Variants in SLC30A10 observed in about 807,000 individuals in gnomAD.
SLC30A10 encodes calcium/manganese antiporter SLC30A10.
Under a neutral mutation model 21.7 loss-of-function variants are expected in SLC30A10, and 8 were observed. That is an observed-to-expected ratio of 0.37 (90% CI 0.22 to 0.67). SLC30A10 has a LOEUF of 0.67. Ranked by LOEUF, SLC30A10 falls within the 30% of genes least tolerant of loss-of-function variation. The pLI, the probability that SLC30A10 is intolerant of heterozygous loss-of-function variation, is 0.58. For missense variants in SLC30A10, 521 were observed against 642.5 expected, an observed-to-expected ratio of 0.81 and a Z score of 2.04; for synonymous variants, 272 against 279.4, an observed-to-expected ratio of 0.97 and a Z score of 0.26.
rs1304329830 is a variant in SLC30A10 at position 219,913,693 on chromosome 1, C to A, written c.*1756G>T. ...CTTATAAAGGGCATATAACCTAGCC[C>A]AATAAGCTCCTAGAAATAAAAACAT... is the stretch of plus-strand genomic sequence containing the variant. On this transcript the variant is annotated 3_prime_UTR_variant, in exon 4 of 4. Transcript: ENST00000366926. 1 of 152,158 alleles carries A rather than the reference C, an allele frequency of 6.6e-6. No individual in the cohort carries two copies. Among genetic ancestry groups the A allele is most frequent in the Non-Finnish European group, 1.5e-5 (1 of 68,026 alleles). The allele number at this position is 152,158 out of a possible 1,614,324, so 9.4% of individuals were successfully genotyped here. A position where few individuals can be genotyped will look rare whatever the true frequency, so the allele number is the denominator to read the frequency against.
At chr1:219,925,430 A>G (rs1659791009) in intron 2 of SLC30A10, among the ~76,000 whole-genome samples, 1 of 151,140 alleles carries the variant, frequency 6.6e-6, no homozygotes, top group South Asian at 2.1e-4. Context: ...GCTACTTGGG[A>G]GGCTGAGGCA....
At position 219,912,170 on chromosome 1, in the gene SLC30A10, C is replaced by CAAAAAAAAA. The variant is rs59792236; in HGVS notation, c.*3270_*3278dup. On this transcript the variant is annotated 3_prime_UTR_variant, in exon 4 of 4. Transcript: ENST00000366926. ...CCACTGGAATTTGCTCTACCAATGG[C>CAAAAAAAAA]AAAAAAAAAAAAAAAAAAAAAAAAA... is the stretch of plus-strand genomic sequence containing the variant. Among the ~76,000 whole-genome samples, 9 of 74,720 alleles carry CAAAAAAAAA rather than the reference C, an allele frequency of 1.2e-4. No homozygotes were observed. Among genetic ancestry groups the CAAAAAAAAA allele is most frequent in the African/African-American group, 2.2e-4 (4 of 18,306 alleles). 49.0% of individuals were successfully genotyped at this position (74,720 alleles called of 152,430 possible). A position where few individuals can be genotyped will look rare whatever the true frequency, so the allele number is the denominator to read the frequency against.
In SLC30A10 at chr1:219,910,976, G is replaced by A. The variant is rs1302511675; in HGVS notation, c.*4473C>T. On this transcript the variant is annotated 3_prime_UTR_variant, in exon 4 of 4. Coordinates refer to ENST00000366926, the MANE Select transcript of SLC30A10 (RefSeq NM_018713.3). ...TTCCACTTGAGAAACTAAATTCCTG[G>A]TTTGACAACCTCATTTCTACCTGTG... 6.6e-6 allele frequency among the ~76,000 whole-genome samples: 1 copy of A among 151,950 alleles called. No individual in the cohort carries two copies. Among genetic ancestry groups the A allele is most frequent in the Admixed American group, 6.6e-5 (1 of 15,246 alleles).
chr1:219,935,275 A>G (rs1287271979), intron 1 of SLC30A10, among the ~76,000 whole-genome samples: 1 of 152,210 alleles, frequency 6.6e-6, no homozygotes, highest in Non-Finnish European at 1.5e-5. Flanking sequence ...CTTTGGTGCC[A>G]TCAGAAACAA....
intron 1 of SLC30A10, among the ~76,000 whole-genome samples, chr1:219,947,149 T>C (rs573941985): frequency 6.6e-6 from 1 of 152,180 alleles, no homozygotes; most frequent in Non-Finnish European, 1.5e-5. Flanking sequence ...GATGTAAGGA[T>C]CATCTTTATT....
chr1:219,938,129 A>T (rs561935737), intron 1 of SLC30A10, among the ~76,000 whole-genome samples: 1 of 152,228 alleles, frequency 6.6e-6, no homozygotes, highest in South Asian at 2.1e-4. Flanking sequence ...GCTGATTATC[A>T]TGCATCTTTG....
In SLC30A10 at chr1:219,928,393, C is replaced by T. The variant is rs1659901233; in HGVS notation, c.48G>A (p.Val16=). The part of the protein sequence containing the change: ...GKTCRLLFML[V]LTVAFFVAEL... ...CCGCCACGAAGAAGGCGACGGTGAG[C>T]ACCAGCATGAAGAGCAGCCGGCACG... The change falls in exon 1 of 4, where the codon GTG becomes GTA. Residue 16 remains valine (V), a synonymous_variant. Transcript: ENST00000366926. This position sits in a 1 kb window ranked among gnomAD's most constrained non-coding sequence, Gnocchi z 6.3. 6.2e-7 allele frequency: 1 copy of T among 1,613,298 alleles called. No individual in the cohort carries two copies. The highest frequency in any genetic ancestry group is 1.1e-5 in the South Asian group (1 of 91,056).
chr1:219,926,882 CGAAA>C, intron 2 of SLC30A10, 142 bp downstream of exon 2: 1 of 626,908 alleles, frequency 1.6e-6, no homozygotes, highest in African/African-American at 1.8e-5. Context: ...GCAGTGATTA[CGAAA>C]GAGAGTTGGG....
In SLC30A10 at chr1:219,912,433, G is replaced by C. The variant is rs1659435091; in HGVS notation, c.*3016C>G. ...ATGCTAAAATAATGTGGAAAGGACT[G>C]TTTCTGTAGAAACAGAAGTGCAGTA... On this transcript the variant is annotated 3_prime_UTR_variant, in exon 4 of 4. Coordinates refer to ENST00000366926, the MANE Select transcript of SLC30A10 (RefSeq NM_018713.3). Among the ~76,000 whole-genome samples, 1 of 152,174 alleles carries C rather than the reference G, an allele frequency of 6.6e-6. No homozygotes were observed. The highest frequency in any genetic ancestry group is 1.5e-5 in the Non-Finnish European group (1 of 68,028).
Position 219,949,982 on chromosome 1 carries a change from A to C in SLC30A10, n.80+8586T>G, listed in dbSNP as rs9970607. 7.5e-3 allele frequency among the ~76,000 whole-genome samples: 1,148 copies of C among 152,298 alleles called. 10 individuals carry two copies. Among genetic ancestry groups the C allele is most frequent in the African/African-American group, 0.027 (1,120 of 41,572 alleles). ...GCTTACTTTCACCCTACCTTCCTGA[A>C]AAATCAAGCTTCTCAGCAAAGAAAA... On this transcript the variant is annotated intron_variant and non_coding_transcript_variant, in intron 1 of 8. Transcript: ENST00000484239.
rs900319479 is a variant in SLC30A10 at position 219,911,683 on chromosome 1, G to C, written c.*3766C>G. Reference sequence around the variant, plus strand: ...AACTGCAATTTTTATGAATAGGCTGGTCTTGCCTTTAAAAATATGTTTTTA... The same window carrying C: ...AACTGCAATTTTTATGAATAGGCTGCTCTTGCCTTTAAAAATATGTTTTTA... On this transcript the variant is annotated 3_prime_UTR_variant, in exon 4 of 4. Coordinates refer to ENST00000366926, the MANE Select transcript of SLC30A10 (RefSeq NM_018713.3). Among the ~76,000 whole-genome samples, 8 of 152,084 alleles carry C rather than the reference G, an allele frequency of 5.3e-5. No individual in the cohort carries two copies. Among genetic ancestry groups the C allele is most frequent in the African/African-American group, 1.9e-4 (8 of 41,400 alleles).
Position 219,911,149 on chromosome 1 carries a change from G to GTTTTTTTTTTTTTTTTTTTTTTT in SLC30A10, c.*4277_*4299dup. Among the ~76,000 whole-genome samples the GTTTTTTTTTTTTTTTTTTTTTTT allele has an allele frequency of 1.1e-3, 54 of 49,410 alleles. 3 individuals are homozygous for GTTTTTTTTTTTTTTTTTTTTTTT. The highest frequency in any genetic ancestry group is 1.6e-3 in the Non-Finnish European group (36 of 22,430). The allele number at this position is 49,410 out of a possible 152,430, so 32.4% of individuals were successfully genotyped here. On this transcript the variant is annotated 3_prime_UTR_variant, in exon 4 of 4. Coordinates refer to ENST00000366926, the MANE Select transcript of SLC30A10 (RefSeq NM_018713.3). The stretch of plus-strand genomic sequence containing the variant: ...ATGTTTCTTCATTTTTTCTACATCA[G>GTTTTTTTTTTTTTTTTTTTTTTT]TTTTTTTTTTTTTTTTTTTTTTTTT...
At chr1:219,951,447 C>T (rs193231155) in intron 1 of SLC30A10, among the ~76,000 whole-genome samples, 5 of 151,624 alleles carry the variant, frequency 3.3e-5, no homozygotes, top group Admixed American at 2.0e-4. Context: ...GGGGGCCGGG[C>T]GCGGTGGCTC....
At chr1:219,949,301 T>C (rs200926698) in intron 1 of SLC30A10, among the ~76,000 whole-genome samples, 43,267 of 151,484 alleles carry the variant, frequency 0.29, 6,757 homozygotes, top group East Asian at 0.4. Flanking sequence ...TAAAGACACA[T>C]GCACACGTAT....
chr1:219,915,480 T>C lies in SLC30A10; in HGVS notation c.1427A>G (p.Asp476Gly), dbSNP rs774446472. ...HGQSLNKTQE[D>G]QCYVNRTHF ...ATGCGTTCTGTTGACATAACATTGG[T>C]CCTCCTGAGTTTTGTTAAGACTTTG... The change falls in exon 4 of 4, where the codon GAC becomes GGC. Residue 476 changes from aspartate (D) to glycine (G), a missense_variant. Asp to Gly is a moderately conservative substitution (Grantham distance 94). Coordinates refer to ENST00000366926, the MANE Select transcript of SLC30A10 (RefSeq NM_018713.3). 97 of 1,614,070 alleles carry C rather than the reference T, an allele frequency of 6.0e-5. No homozygotes were observed. Among genetic ancestry groups the C allele is most frequent in the Non-Finnish European group, 7.5e-5 (89 of 1,180,032 alleles).
At chr1:219,949,607 G>T (rs113193317) in intron 1 of SLC30A10, among the ~76,000 whole-genome samples, 7 of 151,824 alleles carry the variant, frequency 4.6e-5, no homozygotes, top group Non-Finnish European at 8.8e-5. Flanking sequence ...GGGACTGTTG[G>T]GGGGAGCGGG....
intron 1 of SLC30A10, among the ~76,000 whole-genome samples, chr1:219,952,196 A>G (rs1660281103): frequency 6.6e-6 from 1 of 152,112 alleles, no homozygotes; most frequent in South Asian, 2.1e-4. Context: ...CACCACCACC[A>G]CCAATGTTAC....
chr1:219,926,478 G>GACCTTCCA (rs1558253674), intron 2 of SLC30A10, among the ~76,000 whole-genome samples: 1 of 152,106 alleles, frequency 6.6e-6, no homozygotes, highest in African/African-American at 2.4e-5. Flanking sequence ...CAGTGCTTCC[G>GACCTTCCA]ACCTTGACCA....
intron 1 of SLC30A10, among the ~76,000 whole-genome samples, chr1:219,946,392 T>C (rs926125330): frequency 6.6e-6 from 1 of 152,206 alleles, no homozygotes; most frequent in East Asian, 1.9e-4. Flanking sequence ...ACAAGCTTTA[T>C]GGAAATGCAG....
Sources: gnomAD v4.1 joint callset for allele counts (sites outside exome capture counted in the v4.1 genomes callset) on GRCh38, gnomAD v4.1.1 for gene constraint, Gnocchi (gnomAD v3.1) non-coding constraint, MANE v1.5 for transcripts, NCBI Gene and HGNC (gene_info 2026-07-23, HGNC 2026-07-21) for gene names.